SLC26A3: variants seen among roughly 807,000 people sequenced by gnomAD.
The protein encoded by SLC26A3 is solute carrier family 26 member 3.
In SLC26A3, 64 loss-of-function variants were observed where a neutral mutation model predicts 85.6. That is an observed-to-expected ratio of 0.75 (90% confidence interval 0.61 to 0.92). The LOEUF is 0.92. Among genes scored for constraint, SLC26A3 ranks in the 40% least tolerant of loss-of-function variants. The pLI is 0.00. For synonymous variants in SLC26A3, 349 were observed against 336.0 expected (o/e 1.04, Z -0.42); for missense variants, 922 against 927.3 (o/e 0.99, Z 0.07).
At chr7:107,771,580 A>T (rs1794032020) in intron 18 of SLC26A3, among the ~76,000 whole-genome samples, 1 of 152,100 alleles carries the variant, frequency 6.6e-6, no homozygotes, top group African/African-American at 2.4e-5. Flanking sequence ...AGTTTCAAAG[A>T]CAAATGCTAG....
chr7:107,779,721 G>C lies in SLC26A3; in HGVS notation c.1354C>G (p.Leu452Val). The change falls in exon 12 of 21, where the codon CTG becomes GTG. Residue 452 changes from leucine (L) to valine (V), a missense_variant. By Grantham distance (32) the Leu-to-Val change is conservative. Coordinates refer to ENST00000340010, the MANE Select transcript of SLC26A3 (RefSeq NM_000111.3). ...ALALGNLKGM[L>V]MQFAEIGRLW... ...CTGCCTATTTCAGCAAACTGCATCA[G>C]CATTCCCTTTAAGTTTCCCAATGCT... 6.2e-7 allele frequency: 1 copy of C among 1,613,960 alleles called. No individual in the cohort carries two copies. Among genetic ancestry groups the C allele is most frequent in the Non-Finnish European group, 8.5e-7 (1 of 1,179,932 alleles).
At chr7:107,801,579 C>T (rs1794599308) in intron 1 of SLC26A3, among the ~76,000 whole-genome samples, 1 of 152,140 alleles carries the variant, frequency 6.6e-6, no homozygotes, top group South Asian at 2.1e-4. Flanking sequence ...CATATTTATT[C>T]TTGTAATTGA....
At chr7:107,778,403 A>G (rs1584404633) in intron 12 of SLC26A3, 122 bp from the exon 13 acceptor site, 8 of 627,172 alleles carry the variant, frequency 1.3e-5, no homozygotes, top group East Asian at 8.8e-5. Flanking sequence ...CCTTGTCCCT[A>G]TAAAAAAAAT....
At position 107,788,766 on chromosome 7, in the gene SLC26A3, CTTTTTCT is replaced by C. The variant is rs1461305841; in HGVS notation, c.735+751_735+757del. 5.3e-4 allele frequency among the ~76,000 whole-genome samples: 75 copies of C among 142,296 alleles called. 1 individual carries two copies. The highest frequency in any genetic ancestry group is 1.8e-3 in the African/African-American group (69 of 38,746). 93.4% of individuals were successfully genotyped at this position (142,296 alleles called of 152,430 possible). A position where few individuals can be genotyped will look rare whatever the true frequency, so the allele number is the denominator to read the frequency against. ...TTCGTTTCCTTTTTTCTTTTCTTTT[CTTTTTCT>C]TTTTTCTTTTCTTTTTTTTTTTTTT... is the stretch of plus-strand genomic sequence containing the variant. On this transcript the variant is annotated intron_variant, in intron 6 of 20. Coordinates refer to ENST00000340010, the MANE Select transcript of SLC26A3 (RefSeq NM_000111.3).
At position 107,770,052 on chromosome 7, in the gene SLC26A3, CTTTTCTTTCT is replaced by C. The variant is rs1239752549; in HGVS notation, c.2062+1992_2062+2001del. On this transcript the variant is annotated intron_variant, in intron 18 of 20. Coordinates refer to ENST00000340010, the MANE Select transcript of SLC26A3 (RefSeq NM_000111.3). ...TTTCTTTCTTTCTTTCTTTCTTTCT[CTTTTCTTTCT>C]TTTTCTTTCTCTCTTTTTTCTTTCT... Among the ~76,000 whole-genome samples, 13 of 32,620 alleles carry C rather than the reference CTTTTCTTTCT, an allele frequency of 4.0e-4. No homozygotes were observed. In the Admixed American group the frequency reaches 4.3e-3, roughly 11 times the overall value. 21.4% of individuals were successfully genotyped at this position (32,620 alleles called of 152,430 possible). A position where few individuals can be genotyped will look rare whatever the true frequency, so the allele number is the denominator to read the frequency against.
chr7:107,795,007 AT>A (rs1794472819), intron 1 of SLC26A3, among the ~76,000 whole-genome samples: 1 of 152,334 alleles, frequency 6.6e-6, no homozygotes, highest in East Asian at 1.9e-4. Context: ...ACCCAACAGA[AT>A]TTTAAAATTT....
rs1330907149 is a variant in SLC26A3, at chr7:107,788,767, TTTTTCTTTTTTC to T, written c.735+745_735+756del. ...TCGTTTCCTTTTTTCTTTTCTTTTC[TTTTTCTTTTTTC>T]TTTTCTTTTTTTTTTTTTTTTTGAG... is the stretch of plus-strand genomic sequence containing the variant. On this transcript the variant is annotated intron_variant, in intron 6 of 20. Transcript: ENST00000340010. 2.9e-3 allele frequency among the ~76,000 whole-genome samples: 424 copies of T among 143,980 alleles called. 1 individual carries two copies. The highest frequency in any genetic ancestry group is 9.8e-3 in the African/African-American group (388 of 39,450). The allele number at this position is 143,980 out of a possible 152,430, so 94.5% of individuals were successfully genotyped here.
intron 2 of SLC26A3, 124 bp downstream of exon 2, chr7:107,794,255 C>A: frequency 8.7e-7 from 1 of 1,149,374 alleles, no homozygotes; most frequent in Non-Finnish European, 1.3e-6. Context: ...GGTTTGGAAA[C>A]TAAAGAGGAA....
chr7:107,792,900 G>A (rs1794427404), intron 3 of SLC26A3, among the ~76,000 whole-genome samples: 1 of 152,082 alleles, frequency 6.6e-6, no homozygotes. Context: ...ACAACAAAAA[G>A]ACAAATAACC....
In SLC26A3 at chr7:107,794,545, C is replaced by A; in HGVS notation, c.-36G>T. On this transcript the variant is annotated 5_prime_UTR_variant, in exon 2 of 21. It adds an upstream start codon to the 5' untranslated region. Transcript: ENST00000340010. ...CTGTTGGCTGTGGCAAGTTGAAGACCTTTGCAACTATGTGGTGAACACTTC... is the reference window on the plus strand; with the variant it reads ...CTGTTGGCTGTGGCAAGTTGAAGACATTTGCAACTATGTGGTGAACACTTC... The A allele has an allele frequency of 6.2e-7, 1 of 1,613,138 alleles. No individual in the cohort carries two copies. The highest frequency in any genetic ancestry group is 8.5e-7 in the Non-Finnish European group (1 of 1,179,208).
chr7:107,770,002 CTTTCTTTCTTTCTTTCTTTCTTTCTT>C (rs1793980530), intron 18 of SLC26A3, among the ~76,000 whole-genome samples: 1 of 30,624 alleles, frequency 3.3e-5, no homozygotes, highest in African/African-American at 3.6e-4. Flanking sequence ...CCTTTTTTCT[CTTTCTTTCTTTCTTTCTTTCTTTCTT>C]TCTTTCTTTC....
intron 1 of SLC26A3, among the ~76,000 whole-genome samples, chr7:107,795,784 T>A (rs1402673380): frequency 1.3e-5 from 2 of 152,188 alleles, no homozygotes; most frequent in Non-Finnish European, 2.9e-5. Context: ...GTTTTGTTCC[T>A]CAGCTTCAAT....
chr7:107,791,964 C>A (rs1288378893), intron 3 of SLC26A3, 24 bp from the exon 4 acceptor site: 3 of 1,367,582 alleles, frequency 2.2e-6, no homozygotes, highest in Admixed American at 1.7e-5. Context: ...AGCAGCAGAG[C>A]CCTTACTCTG....
intron 1 of SLC26A3, among the ~76,000 whole-genome samples, chr7:107,798,362 A>T (rs1229116773): frequency 6.6e-6 from 1 of 151,560 alleles, no homozygotes; most frequent in Non-Finnish European, 1.5e-5. Context: ...TCATGTACAT[A>T]CCTCCCCACC....
At chr7:107,767,489 TC>T in intron 20 of SLC26A3, 89 bp downstream of exon 20, 1 of 940,356 alleles carries the variant, frequency 1.1e-6, no homozygotes, top group South Asian at 1.4e-5. Context: ...TGCTGGACTT[TC>T]TGCCACATGC....
chr7:107,777,188 C>A (rs1443275163), intron 13 of SLC26A3, among the ~76,000 whole-genome samples: 2 of 152,134 alleles, frequency 1.3e-5, no homozygotes, highest in Non-Finnish European at 2.9e-5. Context: ...TTTGTGATAA[C>A]AATTTCTGTT....
intron 9 of SLC26A3, 50 bp downstream of exon 9, chr7:107,783,155 A>C (rs545381597): frequency 1.9e-6 from 3 of 1,613,834 alleles, no homozygotes; most frequent in Non-Finnish European, 2.5e-6. Flanking sequence ...ATGTGTGCAA[A>C]ATATTATTTA....
rs532228172 is a variant in SLC26A3, at chr7:107,791,154, G to A, written c.464C>T (p.Thr155Ile). 1.2e-4 allele frequency: 186 copies of A among 1,614,168 alleles called. 1 individual carries two copies. Among genetic ancestry groups the A allele is most frequent in the South Asian group, 6.3e-4 (57 of 91,084 alleles). Residue 155 changes from threonine (T) to isoleucine (I), a missense_variant, in exon 5 of 21, where the codon ACT (threonine) becomes ATT (isoleucine). Transcript: ENST00000340010. ...VSKAVPDRNA[T>I]TLGLPNNSNN... is the part of the protein sequence containing the mutation. ...CGAGTTGTTAGGCAATCCCAAAGTA[G>A]TTGCATTGCGATCTGGGACTGCTTT...
intron 1 of SLC26A3, among the ~76,000 whole-genome samples, chr7:107,798,860 A>G (rs1302418782): frequency 6.6e-6 from 1 of 152,210 alleles, no homozygotes; most frequent in African/African-American, 2.4e-5. Context: ...AGCCAGCCCT[A>G]TTTCATGAAT....
Sources: gnomAD v4.1 joint callset for allele counts (sites outside exome capture counted in the v4.1 genomes callset) on GRCh38, gnomAD v4.1.1 for gene constraint, MANE v1.5 for transcripts, NCBI Gene and HGNC (gene_info 2026-07-23, HGNC 2026-07-21) for gene names.